The following LRBA variants were observed in gnomAD, a reference collection of about 807,000 sequenced individuals.
LRBA encodes LPS responsive beige-like anchor protein.
LRBA carries 176 observed loss-of-function variants against 330.0 expected under a neutral mutation model. That is an observed-to-expected ratio of 0.53 (90% confidence interval 0.47 to 0.60). The LOEUF is 0.60. Ranked by LOEUF, LRBA falls within the 20% of genes least tolerant of loss-of-function variation. The pLI is 0.00. For synonymous variants in LRBA, 1,230 were observed against 1,193.0 expected, an observed-to-expected ratio of 1.03 and a Z score of -0.64; for missense variants, 3,259 against 3,444.8, an observed-to-expected ratio of 0.95 and a Z score of 1.35.
At chr4:150,999,745 C>A (rs1368208444) in intron 2 of LRBA, among the ~76,000 whole-genome samples, 1 of 151,992 alleles carries the variant, frequency 6.6e-6, no homozygotes, top group Non-Finnish European at 1.5e-5. Flanking sequence ...ATAATATACC[C>A]CCTGAGGCTC....
At chr4:150,515,988 A>G (rs1050273796) in intron 40 of LRBA, among the ~76,000 whole-genome samples, 2 of 152,000 alleles carry the variant, frequency 1.3e-5, no homozygotes, top group African/African-American at 4.8e-5. Flanking sequence ...AAAAACCAAT[A>G]TGTATATGAG....
At chr4:150,763,571 G>A (rs2126482945) in intron 34 of LRBA, among the ~76,000 whole-genome samples, 1 of 152,046 alleles carries the variant, frequency 6.6e-6, no homozygotes, top group East Asian at 1.9e-4. Context: ...CCAAAAGGAA[G>A]CAATCAAATT....
At chr4:150,925,792 T>A (rs1320455435) in intron 4 of LRBA, among the ~76,000 whole-genome samples, 1 of 152,180 alleles carries the variant, frequency 6.6e-6, no homozygotes, top group African/African-American at 2.4e-5. Flanking sequence ...ATATTCAGAA[T>A]AAATAATGTG....
intron 37 of LRBA, among the ~76,000 whole-genome samples, chr4:150,661,811 T>G (rs960158055): frequency 6.6e-6 from 1 of 151,872 alleles, no homozygotes; most frequent in Non-Finnish European, 1.5e-5. Flanking sequence ...TTAGTAGAGA[T>G]AGGGTTTCAC....
At chr4:150,560,845 G>C (rs1169432824) in intron 40 of LRBA, among the ~76,000 whole-genome samples, 4 of 152,026 alleles carry the variant, frequency 2.6e-5, no homozygotes, top group Non-Finnish European at 5.9e-5. Context: ...AATTAGTCGG[G>C]CATGGTGGCA....
At chr4:151,001,891 G>A (rs963694797) in intron 2 of LRBA, among the ~76,000 whole-genome samples, 6 of 151,948 alleles carry the variant, frequency 3.9e-5, no homozygotes, top group Non-Finnish European at 8.8e-5. Context: ...GGCCTGAAAA[G>A]TGCCAAACAT....
chr4:150,842,979 A>G (rs1228126009), intron 28 of LRBA, among the ~76,000 whole-genome samples: 1 of 152,162 alleles, frequency 6.6e-6, no homozygotes, highest in African/African-American at 2.4e-5. Flanking sequence ...GATTTTCATA[A>G]GGAGCGCACA....
intron 40 of LRBA, among the ~76,000 whole-genome samples, chr4:150,513,271 T>G (rs771015176): frequency 3.9e-5 from 6 of 152,212 alleles, no homozygotes; most frequent in Non-Finnish European, 8.8e-5. Flanking sequence ...TTTTCAAGGA[T>G]GTTTGCATAA....
At chr4:150,568,221 C>T (rs1056450974) in intron 40 of LRBA, among the ~76,000 whole-genome samples, 4 of 151,904 alleles carry the variant, frequency 2.6e-5, no homozygotes, top group African/African-American at 7.3e-5. Flanking sequence ...TGTGTGGCAT[C>T]CAATGATAGA....
intron 26 of LRBA, among the ~76,000 whole-genome samples, chr4:150,847,916 C>T (rs1339839404): frequency 6.6e-6 from 1 of 152,112 alleles, no homozygotes; most frequent in Non-Finnish European, 1.5e-5. Flanking sequence ...TTGAATGATG[C>T]TAGTTTAGAA....
At chr4:150,528,935 G>A (rs1194429221) in intron 40 of LRBA, among the ~76,000 whole-genome samples, 2 of 152,130 alleles carry the variant, frequency 1.3e-5, no homozygotes, top group Non-Finnish European at 2.9e-5. Context: ...ACAATAAAAT[G>A]TGTGCTTGTT....
chr4:150,414,555 A>G (rs113290106), intron 47 of LRBA, among the ~76,000 whole-genome samples: 19 of 152,260 alleles, frequency 1.2e-4, no homozygotes, highest in African/African-American at 4.3e-4. Context: ...CAATGGCATG[A>G]TATCAGCTCA....
intron 40 of LRBA, among the ~76,000 whole-genome samples, chr4:150,523,210 G>A (rs966284486): frequency 6.6e-6 from 1 of 152,136 alleles, no homozygotes. Context: ...ATTTTGCGGT[G>A]GGAATGCTAT....
chr4:150,377,140 G>GAAAA (rs532735624), intron 47 of LRBA, among the ~76,000 whole-genome samples: 7 of 120,812 alleles, frequency 5.8e-5, no homozygotes, highest in Non-Finnish European at 6.9e-5. Flanking sequence ...AAAAATAATG[G>GAAAA]AAAAAAAAAA....
chr4:150,751,654 A>C (rs1414716893), intron 35 of LRBA, among the ~76,000 whole-genome samples: 2 of 152,180 alleles, frequency 1.3e-5, no homozygotes, highest in Non-Finnish European at 2.9e-5. Flanking sequence ...GCAGAGCATA[A>C]AATGATTCAC....
rs55783969 is a variant in LRBA, at chr4:151,003,396, CAAAAAAAA to C, written c.216+11023_216+11030del. Among the ~76,000 whole-genome samples the C allele has an allele frequency of 5.6e-5, 5 of 88,976 alleles. No individual in the cohort carries two copies. The East Asian group carries it at 1.6e-3, about 29-fold the overall frequency. 58.4% of individuals were successfully genotyped at this position (88,976 alleles called of 152,430 possible). On this transcript the variant is annotated intron_variant, in intron 2 of 56. Transcript: ENST00000651943. ...TGGGTGAAAGCATGAGATTCGGTTT[CAAAAAAAA>C]AAAAAAAAACAAAATCCTAAAACTC... is the stretch of plus-strand genomic sequence containing the variant.
chr4:150,574,693 A>AAAT (rs1770310290), intron 40 of LRBA, among the ~76,000 whole-genome samples: 1 of 152,110 alleles, frequency 6.6e-6, no homozygotes, highest in Non-Finnish European at 1.5e-5. Context: ...TTTAATTTAT[A>AAAT]AAGTTTATAG....
chr4:150,526,860 CTA>C (rs1409640372), intron 40 of LRBA, among the ~76,000 whole-genome samples: 1 of 151,986 alleles, frequency 6.6e-6, no homozygotes, highest in Non-Finnish European at 1.5e-5. Flanking sequence ...TTAAAATTAT[CTA>C]TGTGTAAAAA....
chr4:150,870,492 GGT>G (rs1192949250), intron 20 of LRBA, 31 bp downstream of exon 20: 1 of 1,111,652 alleles, frequency 9.0e-7, no homozygotes, highest in East Asian at 2.4e-5. Context: ...AGTAGCAAAA[GGT>G]AGTTTTTGTT....
Sources: gnomAD v4.1 joint callset for allele counts (sites outside exome capture counted in the v4.1 genomes callset) on GRCh38, gnomAD v4.1.1 for gene constraint, MANE v1.5 for transcripts, NCBI Gene and HGNC (gene_info 2026-07-23, HGNC 2026-07-21) for gene names.